Variants in CDH23 observed in about 807,000 individuals in gnomAD.
CDH23 encodes the protein cadherin-23.
Under a neutral mutation model 317.1 loss-of-function variants are expected in CDH23, and 189 were observed. The ratio of observed to expected loss-of-function variants is 0.60; its 90% CI spans 0.53 to 0.67. The LOEUF is 0.67. Ranked by LOEUF, CDH23 falls within the 30% of genes least tolerant of loss-of-function variation. The pLI, the probability that CDH23 is intolerant of heterozygous loss-of-function variation, is 0.00. For synonymous variants in CDH23, 1,839 were observed against 1,876.8 expected, an observed-to-expected ratio of 0.98 and a Z score of 0.52; for missense variants, 4,401 against 4,592.4, an observed-to-expected ratio of 0.96 and a Z score of 1.20.
At chr10:71,804,050 A>G (rs1383503570) in intron 55 of CDH23, among the ~76,000 whole-genome samples, 1 of 147,916 alleles carries the variant, frequency 6.8e-6, no homozygotes, top group Non-Finnish European at 1.5e-5. Context: ...AACGACTTTG[A>G]GCAAGTGACT....
chr10:71,498,370 G>T, intron 3 of CDH23, among the ~76,000 whole-genome samples: 1 of 152,156 alleles, frequency 6.6e-6, no homozygotes. Flanking sequence ...TCACATTCGG[G>T]CCAGGTGAAG....
intron 3 of CDH23, among the ~76,000 whole-genome samples, chr10:71,499,839 CA>C (rs1853181904): frequency 6.6e-6 from 1 of 151,360 alleles, no homozygotes; most frequent in Non-Finnish European, 1.5e-5. Flanking sequence ...AATTCTGTCT[CA>C]AAAACAAACA....
chr10:71,681,563 G>T (rs1589327436), intron 17 of CDH23, among the ~76,000 whole-genome samples: 2 of 152,144 alleles, frequency 1.3e-5, no homozygotes, highest in South Asian at 4.1e-4. Context: ...CTCCCCATGG[G>T]GTCTAAACAG....
chr10:71,737,914 C>T (rs992644561), intron 34 of CDH23: 2 of 427,930 alleles, frequency 4.7e-6, no homozygotes, highest in Admixed American at 4.8e-5. Context: ...CCTTCCCCAT[C>T]TGCCCTTCTA....
intron 38 of CDH23, chr10:71,760,877 C>T: frequency 1.2e-6 from 2 of 1,613,676 alleles, no homozygotes; most frequent in Non-Finnish European, 1.7e-6. Context: ...CTTTCACTAT[C>T]CTGGGAGGAG....
chr10:71,542,132 A>G (rs902019433), intron 6 of CDH23, among the ~76,000 whole-genome samples: 8 of 152,130 alleles, frequency 5.3e-5, no homozygotes, highest in African/African-American at 1.9e-4. Flanking sequence ...CCTTCTATCT[A>G]GGGATCGCTC....
chr10:71,551,887 A>G (rs550218418), intron 6 of CDH23, among the ~76,000 whole-genome samples: 1 of 152,088 alleles, frequency 6.6e-6, no homozygotes, highest in South Asian at 2.1e-4. Flanking sequence ...AGGCACCATC[A>G]TCCAGCCTTT....
At chr10:71,504,027 TA>T (rs1227856108) in intron 3 of CDH23, among the ~76,000 whole-genome samples, 3 of 151,114 alleles carry the variant, frequency 2.0e-5, no homozygotes, top group African/African-American at 7.4e-5. Flanking sequence ...ATGGTCAATT[TA>T]AGGTTTTTTT....
chr10:71,404,202 G>A (rs377027704), intron 1 of CDH23, among the ~76,000 whole-genome samples: 26 of 152,262 alleles, frequency 1.7e-4, no homozygotes, highest in African/African-American at 6.3e-4. Flanking sequence ...CTGTGTAACC[G>A]CCTCACTGCC....
chr10:71,490,010 G>A (rs1334054514), intron 3 of CDH23, among the ~76,000 whole-genome samples: 1 of 151,770 alleles, frequency 6.6e-6, no homozygotes, highest in African/African-American at 2.4e-5. Flanking sequence ...GGTTCTTTGG[G>A]GTGCCTGCTT....
At chr10:71,438,877 G>T (rs1358475910) in intron 1 of CDH23, among the ~76,000 whole-genome samples, 1 of 152,190 alleles carries the variant, frequency 6.6e-6, no homozygotes, top group East Asian at 1.9e-4. Flanking sequence ...GGTAATGTGT[G>T]TGAGTCTGGC....
chr10:71,647,332 A>G (rs1388567513), intron 14 of CDH23, among the ~76,000 whole-genome samples: 1 of 152,050 alleles, frequency 6.6e-6, no homozygotes, highest in African/African-American at 2.4e-5. Context: ...GTGTGGTGGC[A>G]CACGCCTGTA....
At chr10:71,599,934 G>T (rs1860105836) in intron 9 of CDH23, among the ~76,000 whole-genome samples, 1 of 150,410 alleles carries the variant, frequency 6.6e-6, no homozygotes, top group Admixed American at 6.6e-5. Context: ...TATGCTCAGA[G>T]ACTCCACTGG....
chr10:71,548,493 C>T (rs540850720), intron 6 of CDH23, among the ~76,000 whole-genome samples: 1 of 152,264 alleles, frequency 6.6e-6, no homozygotes, highest in East Asian at 1.9e-4. Flanking sequence ...GGAGAAGCAA[C>T]ATCAGAGGTG....
At chr10:71,449,585 A>G (rs1291129082) in intron 3 of CDH23, among the ~76,000 whole-genome samples, 1 of 152,200 alleles carries the variant, frequency 6.6e-6, no homozygotes, top group Non-Finnish European at 1.5e-5. Context: ...TAACAACAGC[A>G]TTTATTGACT....
At chr10:71,557,854 T>C (rs1856944575) in intron 6 of CDH23, among the ~76,000 whole-genome samples, 1 of 152,208 alleles carries the variant, frequency 6.6e-6, no homozygotes, top group Non-Finnish European at 1.5e-5. Context: ...TGAAACTTCA[T>C]GGTTTTATGC....
intron 1 of CDH23, among the ~76,000 whole-genome samples, chr10:71,429,895 G>A (rs1428776072): frequency 2.0e-5 from 3 of 152,228 alleles, no homozygotes; most frequent in Admixed American, 2.0e-4. Context: ...ATGGCCAGCT[G>A]TCCCACGCAG....
intron 19 of CDH23, among the ~76,000 whole-genome samples, chr10:71,689,753 C>T (rs1865115213): frequency 6.6e-6 from 1 of 152,214 alleles, no homozygotes; most frequent in Non-Finnish European, 1.5e-5. Flanking sequence ...AGAAGTGATG[C>T]TCAGGCAGGT....
intron 3 of CDH23, among the ~76,000 whole-genome samples, chr10:71,451,399 G>A (rs536332185): frequency 6.6e-6 from 1 of 152,266 alleles, no homozygotes; most frequent in African/African-American, 2.4e-5. Context: ...TGGCAACCAG[G>A]CTGTTTGCAG....
Sources: allele counts gnomAD v4.1 joint callset (sites outside exome capture counted in the v4.1 genomes callset), GRCh38; gene constraint gnomAD v4.1.1; transcripts MANE v1.5; gene names NCBI Gene and HGNC (gene_info 2026-07-23, HGNC 2026-07-21).